FNDC3A: variants seen among roughly 807,000 people sequenced by gnomAD.
The protein encoded by FNDC3A is fibronectin type-III domain-containing protein 3A.
Under a neutral mutation model 148.9 loss-of-function variants are expected in FNDC3A, and 32 were observed. That is an observed-to-expected ratio of 0.21 (90% CI 0.16 to 0.29). FNDC3A has a LOEUF of 0.29. Among genes scored for constraint, FNDC3A ranks in the 10% least tolerant of loss-of-function variants. The pLI is 1.00. For missense variants in FNDC3A, 1,191 were observed against 1,452.8 expected, an observed-to-expected ratio of 0.82 and a Z score of 2.93; for synonymous variants, 472 against 473.6, an observed-to-expected ratio of 1.00 and a Z score of 0.04.
intron 2 of FNDC3A, among the ~76,000 whole-genome samples, chr13:49,021,644 A>C (rs756468663): frequency 6.6e-6 from 1 of 152,174 alleles, no homozygotes; most frequent in Non-Finnish European, 1.5e-5. Context: ...ATCAGGATCT[A>C]GCTGTTTTCC....
chr13:49,197,632 AG>A, intron 20 of FNDC3A, 92 bp from the exon 21 acceptor site: 1 of 973,152 alleles, frequency 1.0e-6, no homozygotes, highest in South Asian at 1.6e-5. Flanking sequence ...AAAGCAATCT[AG>A]TTTTACATGT....
chr13:49,196,050 C>T (rs12874164), intron 19 of FNDC3A, among the ~76,000 whole-genome samples: 1 of 126,950 alleles, frequency 7.9e-6, no homozygotes, highest in Admixed American at 9.2e-5. Flanking sequence ...CTCCTGCAGT[C>T]TAGGTGATGG....
chr13:49,202,327 G>T (rs1886455841), intron 24 of FNDC3A, among the ~76,000 whole-genome samples: 1 of 152,150 alleles, frequency 6.6e-6, no homozygotes, highest in Non-Finnish European at 1.5e-5. Context: ...CATTCATTTG[G>T]ATTTCAGAAG....
At chr13:49,049,515 T>G (rs1425086510) in intron 2 of FNDC3A, among the ~76,000 whole-genome samples, 4 of 152,104 alleles carry the variant, frequency 2.6e-5, no homozygotes, top group African/African-American at 9.7e-5. Context: ...TCAGAGATTC[T>G]TCATCTTCCT....
rs577570560 is a variant in FNDC3A at position 48,985,148 on chromosome 13, A to G, written c.-40+8971A>G. 3.2e-3 allele frequency among the ~76,000 whole-genome samples: 493 copies of G among 152,332 alleles called. 3 individuals carry two copies. The highest frequency in any genetic ancestry group is 5.4e-3 in the Non-Finnish European group (369 of 68,012). On this transcript the variant is annotated intron_variant, in intron 1 of 25. Transcript: ENST00000492622. The stretch of plus-strand genomic sequence containing the variant: ...ACTGGGATAAAATATTCGACATGTA[A>G]TAGACAAAATTAATATTCAAGGTAT...
At chr13:49,110,630 G>A (rs995507951) in intron 3 of FNDC3A, among the ~76,000 whole-genome samples, 2 of 151,966 alleles carry the variant, frequency 1.3e-5, no homozygotes, top group Non-Finnish European at 2.9e-5. Flanking sequence ...ATTTTACTAG[G>A]TTTTTCTTCT....
intron 3 of FNDC3A, among the ~76,000 whole-genome samples, chr13:49,081,968 CTTT>C (rs11332071): frequency 1.0e-4 from 15 of 144,484 alleles, no homozygotes; most frequent in Non-Finnish European, 1.1e-4. Context: ...AAATCAGTAC[CTTT>C]TTTTTTTTTT....
At chr13:49,035,635 T>C (rs991648802) in intron 2 of FNDC3A, among the ~76,000 whole-genome samples, 2 of 152,072 alleles carry the variant, frequency 1.3e-5, no homozygotes, top group Admixed American at 6.5e-5. Context: ...ATTTTCTGAT[T>C]ACCACATATT....
At chr13:49,081,694 A>G (rs1878482150) in intron 3 of FNDC3A, among the ~76,000 whole-genome samples, 1 of 152,232 alleles carries the variant, frequency 6.6e-6, no homozygotes, top group Admixed American at 6.5e-5. Context: ...GATTAACCAC[A>G]TCTACATTAT....
At chr13:49,046,244 A>G (rs1875397130) in intron 2 of FNDC3A, 1 of 156,784 alleles carries the variant, frequency 6.4e-6, no homozygotes, top group African/African-American at 2.4e-5. Flanking sequence ...GTAGCTTGCG[A>G]TGCTTTGTTG....
At chr13:49,169,281 A>G (rs955683441) in intron 10 of FNDC3A, among the ~76,000 whole-genome samples, 4 of 152,264 alleles carry the variant, frequency 2.6e-5, no homozygotes, top group Non-Finnish European at 4.4e-5. Context: ...CACTGATTAT[A>G]TAATTTTCTG....
At chr13:49,119,048 G>A (rs1881158447) in intron 4 of FNDC3A, among the ~76,000 whole-genome samples, 1 of 152,164 alleles carries the variant, frequency 6.6e-6, no homozygotes, top group African/African-American at 2.4e-5. Flanking sequence ...TAACCCCCGT[G>A]CCTCCTGACT....
intron 3 of FNDC3A, among the ~76,000 whole-genome samples, chr13:49,077,328 C>A (rs1010403190): frequency 6.6e-6 from 1 of 152,168 alleles, no homozygotes; most frequent in South Asian, 2.1e-4. Flanking sequence ...TATACTTTGT[C>A]ATCTTTCAAA....
intron 2 of FNDC3A, among the ~76,000 whole-genome samples, chr13:49,015,943 G>A (rs1031442585): frequency 6.6e-6 from 1 of 151,714 alleles, no homozygotes; most frequent in South Asian, 2.1e-4. Flanking sequence ...TTGCATCCCA[G>A]GGATGAAGCC....
intron 1 of FNDC3A, among the ~76,000 whole-genome samples, chr13:48,986,719 T>G (rs1951812469): frequency 2.0e-5 from 3 of 151,812 alleles, no homozygotes; most frequent in Admixed American, 2.0e-4. Flanking sequence ...TAAAAAGAAG[T>G]TGAAGGAAGA....
chr13:49,061,017 T>C lies in FNDC3A; in HGVS notation c.100-14272T>C, dbSNP rs190707034. 3.7e-3 allele frequency among the ~76,000 whole-genome samples: 557 copies of C among 152,236 alleles called. 14 individuals carry two copies. Among genetic ancestry groups the C allele is most frequent in the Admixed American group, 0.034 (521 of 15,296 alleles). On this transcript the variant is annotated intron_variant, in intron 2 of 25. Transcript: ENST00000492622. ...TATATGAATTTCACTTCAATAAAAA[T>C]GTTAATAGTTACAGAAATTGATTAT...
chr13:49,077,547 A>T (rs1365232390), intron 3 of FNDC3A, among the ~76,000 whole-genome samples: 1 of 152,224 alleles, frequency 6.6e-6, no homozygotes, highest in Non-Finnish European at 1.5e-5. Flanking sequence ...TTTAAACCTT[A>T]TATATCTGAG....
chr13:49,051,194 T>A (rs551008205), intron 2 of FNDC3A, among the ~76,000 whole-genome samples: 1 of 152,202 alleles, frequency 6.6e-6, no homozygotes, highest in Admixed American at 6.5e-5. Flanking sequence ...TTGCACTATT[T>A]GTTGCCTGAA....
chr13:49,120,878 T>C (rs1881295252), intron 4 of FNDC3A, among the ~76,000 whole-genome samples: 1 of 152,060 alleles, frequency 6.6e-6, no homozygotes, highest in Admixed American at 6.5e-5. Context: ...AGACTTAGAC[T>C]CCCACACAAT....
Sources: allele counts gnomAD v4.1 joint callset (sites outside exome capture counted in the v4.1 genomes callset), GRCh38; gene constraint gnomAD v4.1.1; transcripts MANE v1.5; gene names NCBI Gene and HGNC (gene_info 2026-07-23, HGNC 2026-07-21).